Variants in ECHS1 observed in about 807,000 individuals in gnomAD.
ECHS1 encodes the protein enoyl-CoA hydratase, mitochondrial.
In ECHS1, 19 loss-of-function variants were observed where a neutral mutation model predicts 33.5. That is an observed-to-expected ratio of 0.57 (90% CI 0.40 to 0.83). The LOEUF (loss-of-function observed/expected upper bound fraction) is 0.83, where lower values mean the gene tolerates loss of function less well. ECHS1 is among the 40% of genes least tolerant of loss of function. The pLI, the probability that ECHS1 is intolerant of heterozygous loss-of-function variation, is 0.00. For missense variants in ECHS1, 365 were observed against 381.3 expected (o/e 0.96, Z 0.36); for synonymous variants, 158 against 146.6 (o/e 1.08, Z -0.56).
intron 6 of ECHS1, among the ~76,000 whole-genome samples, chr10:133,365,579 A>G (rs1849016931): frequency 6.6e-6 from 1 of 152,258 alleles, no homozygotes; most frequent in South Asian, 2.1e-4. Flanking sequence ...CTGGGCTGCA[A>G]GCCTGCGTAG....
rs1344618595 is a variant in ECHS1 at position 133,370,769 on chromosome 10, AGGC to A, written c.89-15_89-13del. The A allele has an allele frequency of 2.5e-6, 4 of 1,604,954 alleles. No individual in the cohort carries two copies. Among genetic ancestry groups the A allele is most frequent in the South Asian group, 2.2e-5 (2 of 89,330 alleles). On this transcript the variant is annotated splice_polypyrimidine_tract_variant and intron_variant, in intron 1 of 7. Coordinates refer to ENST00000368547, the MANE Select transcript of ECHS1 (RefSeq NM_004092.4). Reference sequence around the variant, plus strand: ...CTCAAAGTTAGCACCTGGAGCAAGAAGGCAAAAAGGGGTATCTATTCACACAGG... The same window carrying A: ...CTCAAAGTTAGCACCTGGAGCAAGAAAAAAAGGGGTATCTATTCACACAGG...
rs1042461166 is a variant in ECHS1 at position 133,370,544 on chromosome 10, C to G, written c.286+16G>C. 3 of 1,517,924 alleles carry G rather than the reference C, an allele frequency of 2.0e-6. No individual in the cohort carries two copies. The East Asian group carries it at 7.1e-5, about 36-fold the overall frequency. The allele number at this position is 1,517,924 out of a possible 1,614,324, so 94.0% of individuals were successfully genotyped here. A position where few individuals can be genotyped will look rare whatever the true frequency, so the allele number is the denominator to read the frequency against. On this transcript the variant is annotated intron_variant, in intron 2 of 7. Coordinates refer to ENST00000368547, the MANE Select transcript of ECHS1 (RefSeq NM_004092.4). The stretch of plus-strand genomic sequence containing the variant: ...CACATCTGCCCAGACACAAAGGCCT[C>G]TGCTGCCGCGCGTACCTGCAAAGGC...
rs1259157893 is a variant in ECHS1, at chr10:133,373,303, C to A, written c.31G>T (p.Val11Phe). ...ACCGGGGGCCTCAGCGGGCCGCGGA[C>A]GCAGGACAGCAGGACACGCAGGGCG... Reference protein sequence around the residue: MAALRVLLSCVRGPLRPPVRC... With the variant: MAALRVLLSCFRGPLRPPVRC... Residue 11 changes from valine (V) to phenylalanine (F), a missense_variant, in exon 1 of 8, where the codon GTC becomes TTC. Coordinates refer to ENST00000368547, the MANE Select transcript of ECHS1 (RefSeq NM_004092.4). 1.3e-6 allele frequency: 2 copies of A among 1,493,668 alleles called. No individual in the cohort carries two copies. Among genetic ancestry groups the A allele is most frequent in the South Asian group, 1.3e-5 (1 of 79,984 alleles). The allele number at this position is 1,493,668 out of a possible 1,614,324, so 92.5% of individuals were successfully genotyped here.
intron 3 of ECHS1, among the ~76,000 whole-genome samples, 164 bp from the exon 4 acceptor site, chr10:133,369,186 A>G (rs1849071996): frequency 1.3e-5 from 2 of 152,224 alleles, no homozygotes; most frequent in Non-Finnish European, 2.9e-5. Context: ...AGTTAACTAC[A>G]GATGGTTGAT....
chr10:133,369,851 C>T (rs1849080660), intron 3 of ECHS1, 53 bp downstream of exon 3: 3 of 1,604,838 alleles, frequency 1.9e-6, no homozygotes, highest in Non-Finnish European at 2.6e-6. Flanking sequence ...TGTGTATGCA[C>T]AGCACGGTTC....
Position 133,362,940 on chromosome 10 carries a change from G to C in ECHS1, c.808-7C>G, listed in dbSNP as rs1415360236. The C allele has an allele frequency of 3.1e-6, 5 of 1,613,972 alleles. No homozygotes were observed. In the African/African-American group the frequency reaches 5.3e-5, roughly 17 times the overall value. ...TCCCTTCTTTCCGGTCATCCTGGCA[G>C]GAAAAGGAACAGAAACAGAGCTGGA... On this transcript the variant is annotated splice_polypyrimidine_tract_variant and splice_region_variant and intron_variant, in intron 7 of 7. Coordinates refer to ENST00000368547, the MANE Select transcript of ECHS1 (RefSeq NM_004092.4).
At position 133,370,727 on chromosome 10, in the gene ECHS1, T is replaced by A; in HGVS notation, c.119A>T (p.Lys40Ile). 6.2e-7 allele frequency: 1 copy of A among 1,612,424 alleles called. No individual in the cohort carries two copies. Among genetic ancestry groups the A allele is most frequent in the Non-Finnish European group, 8.5e-7 (1 of 1,179,480 alleles). ...GANFEYIIAE[K>I]RGKNNTVGLI... The stretch of plus-strand genomic sequence containing the variant: ...CCCCACGGTGTTATTCTTCCCTCTT[T>A]TTTCTGCGATGATGTACTCAAAGTT... The change falls in exon 2 of 8, where the codon AAA (lysine) becomes ATA (isoleucine). Residue 40 changes from lysine to isoleucine, a missense_variant. Transcript: ENST00000368547.
chr10:133,368,301 G>A (rs532043978), intron 4 of ECHS1, among the ~76,000 whole-genome samples: 46 of 152,238 alleles, frequency 3.0e-4, no homozygotes, highest in African/African-American at 7.0e-4. Context: ...GATCAGACCC[G>A]AAACAAATGC....
chr10:133,371,366 T>C (rs1373228802), intron 1 of ECHS1, among the ~76,000 whole-genome samples: 1 of 152,154 alleles, frequency 6.6e-6, no homozygotes, highest in Non-Finnish European at 1.5e-5. Context: ...TGGTCAGCTC[T>C]TCCCAGGACA....
intron 6 of ECHS1, 46 bp downstream of exon 6, chr10:133,365,930 G>A (rs376414264): frequency 6.2e-7 from 1 of 1,607,078 alleles, no homozygotes; most frequent in Non-Finnish European, 8.5e-7. Context: ...GAATGCTCCT[G>A]ACAGCCACGG....
rs748723043 is a variant in ECHS1, at chr10:133,373,297, C to G, written c.37G>C (p.Gly13Arg). The change falls in exon 1 of 8, where the codon GGC becomes CGC. Residue 13 changes from glycine (G) to arginine (R), a missense_variant. Transcript: ENST00000368547. ...CAGCGAACCGGGGGCCTCAGCGGGC[C>G]GCGGACGCAGGACAGCAGGACACGC... ...ALRVLLSCVR[G>R]PLRPPVRCPA... 1.4e-5 allele frequency: 21 copies of G among 1,487,066 alleles called. No homozygotes were observed. In the Admixed American group the frequency reaches 4.3e-4, roughly 30 times the overall value. The allele number at this position is 1,487,066 out of a possible 1,614,324, so 92.1% of individuals were successfully genotyped here. A position where few individuals can be genotyped will look rare whatever the true frequency, so the allele number is the denominator to read the frequency against.
Position 133,363,045 on chromosome 10 carries a change from C to T in ECHS1, c.808-112G>A. 15 of 1,303,506 alleles carry T rather than the reference C, an allele frequency of 1.2e-5. No individual in the cohort carries two copies. The South Asian group carries it at 1.7e-4, about 14-fold the overall frequency. The allele number at this position is 1,303,506 out of a possible 1,614,324, so 80.7% of individuals were successfully genotyped here. On this transcript the variant is annotated intron_variant, in intron 7 of 7. Transcript: ENST00000368547. Reference sequence around the variant, plus strand: ...CTGCCTCACTCATGCTCACAGGGGCCCAGGGGGCCGGGGAGGGGACTCAGC... The same window carrying T: ...CTGCCTCACTCATGCTCACAGGGGCTCAGGGGGCCGGGGAGGGGACTCAGC...
intron 7 of ECHS1, 104 bp from the exon 8 acceptor site, chr10:133,363,037 A>C: frequency 7.2e-7 from 1 of 1,380,168 alleles, no homozygotes; most frequent in Non-Finnish European, 1.0e-6. Context: ...ACTCATGCTC[A>C]CAGGGGCCCA....
At chr10:133,370,878 C>A in intron 1 of ECHS1, 121 bp from the exon 2 acceptor site, 2 of 942,482 alleles carry the variant, frequency 2.1e-6, no homozygotes, top group Non-Finnish European at 3.1e-6. Context: ...TCTGAGGGCT[C>A]CCTGCCGAGT....
intron 1 of ECHS1, among the ~76,000 whole-genome samples, chr10:133,371,309 C>T (rs1282643335): frequency 6.6e-6 from 1 of 152,036 alleles, no homozygotes; most frequent in Non-Finnish European, 1.5e-5. Flanking sequence ...GAAAAATCCC[C>T]AGCACAGAAC....
Position 133,364,676 on chromosome 10 carries a change from A to C in ECHS1, c.789T>G (p.Phe263Leu). ...TEGSKLEKKL[F>L]YSTFATDDRK... ...TACTCACAGTGGCAAAGGTTGAATA[A>C]AAGAGTTTCTTCTCCAACTTACTTC... Residue 263 changes from phenylalanine to leucine, a missense_variant, in exon 7 of 8, where the codon TTT (phenylalanine) becomes TTG (leucine). Transcript: ENST00000368547. 1 of 1,613,826 alleles carries C rather than the reference A, an allele frequency of 6.2e-7. No individual in the cohort carries two copies. Among genetic ancestry groups the C allele is most frequent in the Non-Finnish European group, 8.5e-7 (1 of 1,179,818 alleles).
rs1267837121 is a variant in ECHS1, at chr10:133,373,345, C to T, written c.-12G>A. The stretch of plus-strand genomic sequence containing the variant: ...CGCAGGGCGGCCATGGCTCTCTGGA[C>T]TCCTCGCCCGGCCCCGCGGAGCCGC... On this transcript the variant is annotated 5_prime_UTR_variant, in exon 1 of 8. Transcript: ENST00000368547. The T allele has an allele frequency of 1.3e-6, 2 of 1,493,716 alleles. No individual in the cohort carries two copies. The highest frequency in any genetic ancestry group is 2.5e-5 in the South Asian group (2 of 80,588). The allele number at this position is 1,493,716 out of a possible 1,614,324, so 92.5% of individuals were successfully genotyped here. A position where few individuals can be genotyped will look rare whatever the true frequency, so the allele number is the denominator to read the frequency against.
In ECHS1 at chr10:133,372,088, C is replaced by T. The variant is rs567810216; in HGVS notation, c.88+1158G>A. Among the ~76,000 whole-genome samples, 11 of 152,284 alleles carry T rather than the reference C, an allele frequency of 7.2e-5. No individual in the cohort carries two copies. The East Asian group carries it at 7.7e-4, about 11-fold the overall frequency. Reference sequence around the variant, plus strand: ...ATTATAGGCATTAGCCACTGTGCCCCGCCGTATCCTGTGGGTTTCTAGGGG... The same window carrying T: ...ATTATAGGCATTAGCCACTGTGCCCTGCCGTATCCTGTGGGTTTCTAGGGG... On this transcript the variant is annotated intron_variant, in intron 1 of 7. Coordinates refer to ENST00000368547, the MANE Select transcript of ECHS1 (RefSeq NM_004092.4).
Position 133,364,703 on chromosome 10 carries a change from T to C in ECHS1, c.762A>G (p.Glu254=), listed in dbSNP as rs1849006752. 6.2e-7 allele frequency: 1 copy of C among 1,613,856 alleles called. No individual in the cohort carries two copies. Among genetic ancestry groups the C allele is most frequent in the African/African-American group, 1.3e-5 (1 of 75,056 alleles). ...VNAAFEMTLT[E]GSKLEKKLFY... ...AGAGTTTCTTCTCCAACTTACTTCC[T>C]TCTGTTAATGTCATTTCAAAAGCTG... Residue 254 remains glutamate (E), a synonymous_variant, in exon 7 of 8, where the codon GAA becomes GAG. Coordinates refer to ENST00000368547, the MANE Select transcript of ECHS1 (RefSeq NM_004092.4).
Sources: gnomAD v4.1 joint callset for allele counts (sites outside exome capture counted in the v4.1 genomes callset) on GRCh38, gnomAD v4.1.1 for gene constraint, MANE v1.5 for transcripts, NCBI Gene and HGNC (gene_info 2026-07-23, HGNC 2026-07-21) for gene names.